Variants in CDH11 observed in about 807,000 individuals in gnomAD.
The protein encoded by CDH11 is cadherin-11.
Under a neutral mutation model 67.8 loss-of-function variants are expected in CDH11, and 11 were observed. The ratio of observed to expected loss-of-function variants is 0.16; its 90% CI spans 0.10 to 0.27. CDH11 has a LOEUF of 0.27. Among genes scored for constraint, CDH11 ranks in the 10% least tolerant of loss-of-function variants. The probability of loss-of-function intolerance (pLI) is 1.00; values close to 1 mark genes in which losing one functional copy is unlikely to be tolerated. For synonymous variants in CDH11, 419 were observed against 400.0 expected (o/e 1.05, Z -0.57); for missense variants, 847 against 1,031.2 (o/e 0.82, Z 2.45).
chr16:65,078,471 T>C (rs2074554669), intron 1 of CDH11, among the ~76,000 whole-genome samples: 1 of 152,096 alleles, frequency 6.6e-6, no homozygotes, highest in Admixed American at 6.6e-5. Flanking sequence ...ATTCCCCCAA[T>C]AGCAGTATAG....
chr16:65,018,096 C>G (rs553373826), intron 2 of CDH11, among the ~76,000 whole-genome samples: 2 of 152,236 alleles, frequency 1.3e-5, no homozygotes, highest in East Asian at 3.9e-4. Context: ...CTTTTTAAAG[C>G]CTTAAGCTCA....
At chr16:65,031,522 A>G (rs1213542179) in intron 2 of CDH11, among the ~76,000 whole-genome samples, 2 of 152,204 alleles carry the variant, frequency 1.3e-5, no homozygotes, top group South Asian at 2.1e-4. Context: ...TAGTATATAC[A>G]TAAGTCAAAT....
At chr16:65,064,012 C>T (rs528042047) in intron 1 of CDH11, among the ~76,000 whole-genome samples, 1 of 152,300 alleles carries the variant, frequency 6.6e-6, no homozygotes, top group East Asian at 1.9e-4. Context: ...AAACCCAATA[C>T]CATGATGTGG....
Position 65,018,311 on chromosome 16 carries a change from A to T in CDH11, c.-172-13270T>A, listed in dbSNP as rs79585038. ...GTGGCTTTTATTGGCTCTATAAGTC[A>T]ACTTTGATTCCTTAAAGCAGTCTGT... On this transcript the variant is annotated intron_variant, in intron 2 of 12. Transcript: ENST00000268603. Among the ~76,000 whole-genome samples the T allele has an allele frequency of 9.9e-3, 1,507 of 152,280 alleles. 40 individuals are homozygous for T. The East Asian group carries it at 0.12, about 12-fold the overall frequency.
chr16:65,067,826 GAA>G (rs2074341517), intron 1 of CDH11, among the ~76,000 whole-genome samples: 1 of 133,268 alleles, frequency 7.5e-6, no homozygotes, highest in African/African-American at 2.9e-5. Flanking sequence ...AAGGGAGAGA[GAA>G]AGGAACAGAG....
chr16:64,977,455 A>G (rs546933489), intron 8 of CDH11, among the ~76,000 whole-genome samples: 1 of 152,344 alleles, frequency 6.6e-6, no homozygotes, highest in Admixed American at 6.5e-5. Flanking sequence ...TTTACGTCAC[A>G]GTCACTGCTC....
chr16:65,122,108 G>A (rs1029168802), upstream of CDH11: 164 of 547,190 alleles, frequency 3.0e-4, no homozygotes, highest in Non-Finnish European at 4.9e-4. Flanking sequence ...ACCGGGGGGA[G>A]GTGGCGGGCG....
chr16:65,115,745 C>A (rs796582477), intron 1 of CDH11, among the ~76,000 whole-genome samples: 116 of 133,066 alleles, frequency 8.7e-4, no homozygotes, highest in African/African-American at 3.1e-3. Context: ...CCTCAGTAAT[C>A]AAAATAAGTA....
rs1224692084 is a variant in CDH11, at chr16:64,947,254, A to T, written c.*349T>A. On this transcript the variant is annotated 3_prime_UTR_variant, in exon 13 of 13. Transcript: ENST00000268603. ...CTAATTTTGTGGAAGCTTCTTTGAC[A>T]ACTTAAAAAAGAAGAAAGACTTGGA... The T allele has an allele frequency of 9.0e-7, 1 of 1,106,862 alleles. No individual in the cohort carries two copies. The highest frequency in any genetic ancestry group is 3.6e-5 in the South Asian group (1 of 28,062). 68.6% of individuals were successfully genotyped at this position (1,106,862 alleles called of 1,614,324 possible).
Position 64,946,360 on chromosome 16 carries a change from G to T in CDH11, c.*1243C>A. 1 of 1,026,914 alleles carries T rather than the reference G, an allele frequency of 9.7e-7. No individual in the cohort carries two copies. The highest frequency in any genetic ancestry group is 1.2e-6 in the Non-Finnish European group (1 of 855,772). The allele number at this position is 1,026,914 out of a possible 1,614,324, so 63.6% of individuals were successfully genotyped here. A position where few individuals can be genotyped will look rare whatever the true frequency, so the allele number is the denominator to read the frequency against. ...GTCCCCCAGTTCCCCAGTGCTCAGT[G>T]TGGGGCATAGAATGTATACCTGGAA... On this transcript the variant is annotated 3_prime_UTR_variant, in exon 13 of 13. Transcript: ENST00000268603.
chr16:65,043,766 T>C (rs1013505540), intron 2 of CDH11, among the ~76,000 whole-genome samples: 2 of 152,210 alleles, frequency 1.3e-5, no homozygotes, highest in Non-Finnish European at 1.5e-5. Flanking sequence ...TTAAAAGGAA[T>C]GAAGCGATCT....
chr16:64,987,283 T>C (rs1253226555), intron 7 of CDH11: 1 of 152,156 alleles, frequency 6.6e-6, no homozygotes, highest in Non-Finnish European at 1.5e-5. Flanking sequence ...GGCCAGCTGT[T>C]TTCAAAATGT....
rs1399933202 is a variant in CDH11 at position 65,053,702 on chromosome 16, G to A, written c.-173+102C>T. 6 of 422,544 alleles carry A rather than the reference G, an allele frequency of 1.4e-5. No homozygotes were observed. In the Admixed American group the frequency reaches 1.5e-4, roughly 10 times the overall value. The allele number at this position is 422,544 out of a possible 1,614,324, so 26.2% of individuals were successfully genotyped here. ...GATTCTACTTTTGGCTTTAGTGAAG[G>A]TCCAAATCAAGCCACATTTGAGACA... On this transcript the variant is annotated intron_variant, in intron 2 of 12. Coordinates refer to ENST00000268603, the MANE Select transcript of CDH11 (RefSeq NM_001797.4).
intron 3 of CDH11, among the ~76,000 whole-genome samples, chr16:65,003,590 A>G (rs2142525441): frequency 6.6e-6 from 1 of 152,314 alleles, no homozygotes; most frequent in African/African-American, 2.4e-5. Flanking sequence ...TGTCACTATC[A>G]TCTGAAAGAT....
Position 64,971,670 on chromosome 16 carries a change from G to A in CDH11, c.1551C>T (p.Asp517=). The A allele has an allele frequency of 6.2e-7, 1 of 1,612,646 alleles. No homozygotes were observed. Among genetic ancestry groups the A allele is most frequent in the South Asian group, 1.1e-5 (1 of 90,978 alleles). Reference sequence around the variant, plus strand: ...TTGGTCCATTGGCCGTGTCATCCTTGTCATCTGCACTAATTGTAACAATTG... The same window carrying A: ...TTGGTCCATTGGCCGTGTCATCCTTATCATCTGCACTAATTGTAACAATTG... The part of the protein sequence containing the change: ...NQPIVTISAD[D]KDDTANGPRF... The change falls in exon 11 of 13, where the codon GAC becomes GAT. Residue 517 remains aspartate, a synonymous_variant. Coordinates refer to ENST00000268603, the MANE Select transcript of CDH11 (RefSeq NM_001797.4).
In CDH11 at chr16:65,121,814, A is replaced by G. The variant is rs1180281989; in HGVS notation, c.-298+66T>C. 2.9e-6 allele frequency: 2 copies of G among 701,094 alleles called. No homozygotes were observed. Among genetic ancestry groups the G allele is most frequent in the Admixed American group, 4.0e-5 (2 of 49,932 alleles). 43.4% of individuals were successfully genotyped at this position (701,094 alleles called of 1,614,324 possible). A position where few individuals can be genotyped will look rare whatever the true frequency, so the allele number is the denominator to read the frequency against. On this transcript the variant is annotated intron_variant, in intron 1 of 12. Transcript: ENST00000268603. This position sits in a 1 kb window ranked among gnomAD's most constrained non-coding sequence, Gnocchi z 4.1. ...CCGCCAAGACATTCTCTTCCTGAGAAAATCCTGCCCCCCATTCCAAGAAGC... is the reference window on the plus strand; with the variant it reads ...CCGCCAAGACATTCTCTTCCTGAGAGAATCCTGCCCCCCATTCCAAGAAGC...
chr16:65,080,355 A>G (rs1034813135), intron 1 of CDH11, among the ~76,000 whole-genome samples: 1 of 152,180 alleles, frequency 6.6e-6, no homozygotes, highest in Non-Finnish European at 1.5e-5. Context: ...GGTGCTTAGA[A>G]GTGAAATCAC....
At chr16:65,111,682 C>CACACACACAT (rs1175749475) in intron 1 of CDH11, among the ~76,000 whole-genome samples, 6 of 148,786 alleles carry the variant, frequency 4.0e-5, no homozygotes, top group Non-Finnish European at 8.9e-5. Flanking sequence ...GAAACACACA[C>CACACACACAT]ACACACACAC....
chr16:64,947,151 ATTTCAAGT>A lies in CDH11; in HGVS notation c.*444_*451del. 1 of 1,046,538 alleles carries A rather than the reference ATTTCAAGT, an allele frequency of 9.6e-7. No homozygotes were observed. Among genetic ancestry groups the A allele is most frequent in the Non-Finnish European group, 1.2e-6 (1 of 865,550 alleles). The allele number at this position is 1,046,538 out of a possible 1,614,324, so 64.8% of individuals were successfully genotyped here. ...GGTTTAAGCTGGCTGAATATTATAT[ATTTCAAGT>A]TTAAAAATGCACTACATATAGAGTG... On this transcript the variant is annotated 3_prime_UTR_variant, in exon 13 of 13. Coordinates refer to ENST00000268603, the MANE Select transcript of CDH11 (RefSeq NM_001797.4).
Sources: allele counts gnomAD v4.1 joint callset (sites outside exome capture counted in the v4.1 genomes callset), GRCh38; gene constraint gnomAD v4.1.1; non-coding constraint Gnocchi (gnomAD v3.1); transcripts MANE v1.5; gene names NCBI Gene and HGNC (gene_info 2026-07-23, HGNC 2026-07-21).